Variants in INPP5F observed in about 807,000 individuals in gnomAD.
The protein encoded by INPP5F is phosphatidylinositide 4-phosphatase SAC2.
In INPP5F, 97 loss-of-function variants were observed where a neutral mutation model predicts 137.2. The observed-to-expected ratio is 0.71, with a 90% CI of 0.60 to 0.84. The LOEUF is 0.84. Among genes scored for constraint, INPP5F ranks in the 40% least tolerant of loss-of-function variants. INPP5F has a pLI of 0.00. For missense variants in INPP5F, 1,271 were observed against 1,371.9 expected, an observed-to-expected ratio of 0.93 and a Z score of 1.16; for synonymous variants, 504 against 476.9, an observed-to-expected ratio of 1.06 and a Z score of -0.74.
rs956380253 is a variant in INPP5F, at chr10:119,812,094, A to G, written c.1886+139A>G. The G allele has an allele frequency of 4.6e-6, 3 of 654,978 alleles. No individual in the cohort carries two copies. In the African/African-American group the frequency reaches 5.4e-5, roughly 12 times the overall value. The allele number at this position is 654,978 out of a possible 1,614,324, so 40.6% of individuals were successfully genotyped here. A position where few individuals can be genotyped will look rare whatever the true frequency, so the allele number is the denominator to read the frequency against. On this transcript the variant is annotated intron_variant, in intron 15 of 19. Coordinates refer to ENST00000650623, the MANE Select transcript of INPP5F (RefSeq NM_014937.4). ...CTATTTCCTCTATGAGCTGGTAGTGAGGCAAGCTGACTGAGGCACTTGCCT... is the reference window on the plus strand; with the variant it reads ...CTATTTCCTCTATGAGCTGGTAGTGGGGCAAGCTGACTGAGGCACTTGCCT...
chr10:119,794,086 C>T (rs930313492), intron 6 of INPP5F, among the ~76,000 whole-genome samples: 9 of 151,952 alleles, frequency 5.9e-5, no homozygotes, highest in Admixed American at 3.9e-4. Flanking sequence ...GGCAGGGTCA[C>T]AGGACAATAG....
At chr10:119,819,495 C>T (rs1851460845) in intron 15 of INPP5F, 5 of 1,602,804 alleles carry the variant, frequency 3.1e-6, no homozygotes, top group Non-Finnish European at 3.4e-6. Flanking sequence ...TGTGTCATGA[C>T]GTAATTTTTA....
chr10:119,747,899 A>G (rs1848584446), intron 1 of INPP5F, among the ~76,000 whole-genome samples: 1 of 152,268 alleles, frequency 6.6e-6, no homozygotes, highest in Non-Finnish European at 1.5e-5. Flanking sequence ...TAGAAATGTT[A>G]GAAAAAATTA....
chr10:119,794,725 G>A (rs1850274237), intron 6 of INPP5F, among the ~76,000 whole-genome samples: 1 of 147,286 alleles, frequency 6.8e-6, no homozygotes. Flanking sequence ...CCCGGACGGG[G>A]CGGCTGGCCA....
intron 15 of INPP5F, among the ~76,000 whole-genome samples, chr10:119,812,347 C>T (rs1334784096): frequency 2.0e-5 from 3 of 147,886 alleles, no homozygotes; most frequent in South Asian, 2.2e-4. Context: ...TGGTCCTGGC[C>T]TTTTATAAAA....
intron 1 of INPP5F, among the ~76,000 whole-genome samples, chr10:119,747,162 A>G (rs540160366): frequency 1.2e-4 from 18 of 152,312 alleles, no homozygotes; most frequent in African/African-American, 3.6e-4. Context: ...ATGTTAGGCA[A>G]TAGATGCCAG....
At chr10:119,791,409 G>T (rs929716028) in intron 3 of INPP5F, 108 bp from the exon 4 acceptor site, 5 of 831,358 alleles carry the variant, frequency 6.0e-6, no homozygotes, top group Non-Finnish European at 1.9e-6. Flanking sequence ...TCTAACTCTT[G>T]AAGTTTACTG....
rs1470439380 is a variant in INPP5F, at chr10:119,748,475, G to A, written c.98-2601G>A. On this transcript the variant is annotated intron_variant, in intron 1 of 19. Coordinates refer to ENST00000650623, the MANE Select transcript of INPP5F (RefSeq NM_014937.4). The surrounding 1 kb of genome is among the most constrained non-coding windows in gnomAD (Gnocchi z 4.7). ...TTCAGTCCCACCATTCAGGGGTCCCGTGTCCAGGAAGAATGAGGTATGCAA... is the reference window on the plus strand; with the variant it reads ...TTCAGTCCCACCATTCAGGGGTCCCATGTCCAGGAAGAATGAGGTATGCAA... Among the ~76,000 whole-genome samples the A allele has an allele frequency of 6.6e-6, 1 of 152,154 alleles. No individual in the cohort carries two copies. Among genetic ancestry groups the A allele is most frequent in the Non-Finnish European group, 1.5e-5 (1 of 68,024 alleles).
At chr10:119,752,558 C>A (rs1848719152) in intron 2 of INPP5F, among the ~76,000 whole-genome samples, 1 of 145,664 alleles carries the variant, frequency 6.9e-6, no homozygotes, top group Admixed American at 7.0e-5. Context: ...GCACTCCAGC[C>A]TGGGCAACAG....
chr10:119,794,024 C>T (rs1330673425), intron 6 of INPP5F, among the ~76,000 whole-genome samples: 4 of 152,190 alleles, frequency 2.6e-5, no homozygotes. Flanking sequence ...TTTATGTTTG[C>T]ATTTTCTTTT....
chr10:119,732,750 C>T (rs903475799), intron 1 of INPP5F, among the ~76,000 whole-genome samples: 3 of 152,178 alleles, frequency 2.0e-5, no homozygotes, highest in African/African-American at 7.2e-5. Context: ...ATCTGCCTGC[C>T]TCAGCCTCCC....
At chr10:119,820,478 G>C (rs924247983) in intron 15 of INPP5F, among the ~76,000 whole-genome samples, 2 of 152,176 alleles carry the variant, frequency 1.3e-5, no homozygotes, top group African/African-American at 4.8e-5. Context: ...AGATAGTTTA[G>C]ATGATTTCTC....
chr10:119,769,671 ATCTTCTCCTGCTCT>A (rs1282941622), intron 2 of INPP5F, among the ~76,000 whole-genome samples: 1 of 152,204 alleles, frequency 6.6e-6, no homozygotes, highest in Non-Finnish European at 1.5e-5. Flanking sequence ...CAGGGCATCC[ATCTTCTCCTGCTCT>A]TGGACATCAG....
chr10:119,827,737 A>T lies in INPP5F; in HGVS notation c.3356A>T (p.Lys1119Ile). 6.2e-7 allele frequency: 1 copy of T among 1,613,678 alleles called. No individual in the cohort carries two copies. Among genetic ancestry groups the T allele is most frequent in the South Asian group, 1.1e-5 (1 of 90,984 alleles). Residue 1119 changes from lysine to isoleucine, a missense_variant, in exon 20 of 20, where the codon AAA becomes ATA. By Grantham distance (102) the Lys-to-Ile change is moderately radical. This residue lies in a region of INPP5F where 490 missense variants were observed against 443.7 expected (regional missense o/e 1.10). Coordinates refer to ENST00000650623, the MANE Select transcript of INPP5F (RefSeq NM_014937.4). ...IINQVQQNEL[K>I]KMFIQCQTRI... is the part of the protein sequence containing the mutation. ...AATCAAGTCCAGCAAAATGAACTTA[A>T]AAAGATGTTTATACAATGCCAGACA... is the stretch of plus-strand genomic sequence containing the variant.
In INPP5F at chr10:119,826,912, A is replaced by G; in HGVS notation, c.2531A>G (p.Gln844Arg). Residue 844 changes from glutamine to arginine, a missense_variant, in exon 20 of 20, where the codon CAG (glutamine) becomes CGG (arginine). Around this residue, in one of 6 missense-constraint regions of INPP5F, gnomAD observed 490 missense variants for 443.7 expected, o/e 1.10. Coordinates refer to ENST00000650623, the MANE Select transcript of INPP5F (RefSeq NM_014937.4). ...AACACAGGAGTGATGGATAAGGTTCAGGCAGAGTCTGATGGGGACATGTCT... is the reference window on the plus strand; with the variant it reads ...AACACAGGAGTGATGGATAAGGTTCGGGCAGAGTCTGATGGGGACATGTCT... ...MENTGVMDKVQAESDGDMSSD... is the reference protein window; with the variant it reads ...MENTGVMDKVRAESDGDMSSD... The G allele has an allele frequency of 1.9e-6, 3 of 1,614,168 alleles. No homozygotes were observed. Among genetic ancestry groups the G allele is most frequent in the South Asian group, 1.1e-5 (1 of 91,090 alleles).
At chr10:119,791,444 C>A in intron 3 of INPP5F, 73 bp from the exon 4 acceptor site, 1 of 1,160,974 alleles carries the variant, frequency 8.6e-7, no homozygotes, top group Non-Finnish European at 1.2e-6. Context: ...TGAGCAGTAG[C>A]ATTCACTTTT....
rs1044665767 is a variant in INPP5F, at chr10:119,748,419, C to T, written c.98-2657C>T. On this transcript the variant is annotated intron_variant, in intron 1 of 19. Coordinates refer to ENST00000650623, the MANE Select transcript of INPP5F (RefSeq NM_014937.4). The surrounding 1 kb of genome is among the most constrained non-coding windows in gnomAD (Gnocchi z 4.7). ...TGCCCACAACCTGGTGAGCAGGGGG[C>T]GTGTTTTGGTCCTGTTTGTGTTACA... 1.3e-5 allele frequency among the ~76,000 whole-genome samples: 2 copies of T among 152,114 alleles called. No homozygotes were observed. Among genetic ancestry groups the T allele is most frequent in the Admixed American group, 6.5e-5 (1 of 15,278 alleles).
At chr10:119,819,402 G>A in intron 15 of INPP5F, 4 of 1,442,338 alleles carry the variant, frequency 2.8e-6, no homozygotes, top group Non-Finnish European at 3.7e-6. Context: ...ATCATGTTTG[G>A]CTGATGTAAA....
chr10:119,779,895 T>G (rs375937671), intron 2 of INPP5F, among the ~76,000 whole-genome samples: 18 of 152,306 alleles, frequency 1.2e-4, no homozygotes, highest in Middle Eastern at 3.4e-3. Flanking sequence ...TATTTAACTT[T>G]TTTTATAAGT....
Sources: allele counts gnomAD v4.1 joint callset (sites outside exome capture counted in the v4.1 genomes callset), GRCh38; gene constraint gnomAD v4.1.1; regional missense constraint gnomAD v4.1.1; non-coding constraint Gnocchi (gnomAD v3.1); transcripts MANE v1.5; gene names NCBI Gene and HGNC (gene_info 2026-07-23, HGNC 2026-07-21).